CASK: variants seen among roughly 807,000 people sequenced by gnomAD.
The protein encoded by CASK is calcium/calmodulin dependent serine protein kinase.
Under a neutral mutation model 82.9 loss-of-function variants are expected in CASK, and 4 were observed. That is an observed-to-expected ratio of 0.05 (90% CI 0.02 to 0.11). CASK has a LOEUF of 0.11. Ranked by LOEUF, CASK falls within the 10% of genes least tolerant of loss-of-function variation. The pLI is 1.00. For missense variants in CASK, 358 were observed against 720.9 expected (o/e 0.50, Z 5.76); for synonymous variants, 259 against 253.5 (o/e 1.02, Z -0.20).
Position 41,771,009 on chromosome X carries a change from A to G in CASK, c.278+16169T>C, listed in dbSNP as rs747361001. On this transcript the variant is annotated intron_variant, in intron 3 of 26. Coordinates refer to ENST00000378163, the MANE Select transcript of CASK (RefSeq NM_001367721.1). ...AAATAATGGCTGAGAATTTTCTAAA[A>G]CCATGAATAATATCAATACACTGAT... is the stretch of plus-strand genomic sequence containing the variant. Among the ~76,000 whole-genome samples the G allele has an allele frequency of 1.1e-4, 12 of 112,523 alleles. No homozygotes were observed. The Admixed American group carries it at 1.1e-3, about 11-fold the overall frequency.
intron 3 of CASK, among the ~76,000 whole-genome samples, chrX:41,777,059 T>C (rs2069377469): frequency 8.9e-6 from 1 of 111,959 alleles, no homozygotes; most frequent in Non-Finnish European, 1.9e-5. Flanking sequence ...CAAATACTCA[T>C]TAGCATTAAA....
intron 13 of CASK, 25 bp from the exon 14 acceptor site, chrX:41,587,012 T>G: frequency 1.2e-6 from 1 of 853,915 alleles, no homozygotes. Context: ...AGATATACAA[T>G]AATACAAACA....
At chrX:41,803,462 C>T (rs1345806453) in intron 2 of CASK, among the ~76,000 whole-genome samples, 1 of 110,455 alleles carries the variant, frequency 9.1e-6, no homozygotes, top group Non-Finnish European at 1.9e-5. Context: ...TGTGGTGGCA[C>T]GCTCTTGCAA....
intron 16 of CASK, among the ~76,000 whole-genome samples, chrX:41,564,257 C>T (rs548759669): frequency 1.8e-5 from 2 of 112,623 alleles, no homozygotes; most frequent in African/African-American, 6.4e-5. Context: ...AATTAAAATG[C>T]TCAGCAACTA....
chrX:41,920,924 C>T (rs1245763573), intron 1 of CASK, among the ~76,000 whole-genome samples: 1 of 111,866 alleles, frequency 8.9e-6, no homozygotes, highest in Non-Finnish European at 1.9e-5. Context: ...CAACAAACAT[C>T]ATTCACCCAC....
At position 41,557,056 on chromosome X, in the gene CASK, A is replaced by G. The variant is rs2065168279; in HGVS notation, c.1782T>C (p.His594=). 8.3e-7 allele frequency: 1 copy of G among 1,207,931 alleles called. No homozygotes were observed. Among genetic ancestry groups the G allele is most frequent in the African/African-American group, 1.7e-5 (1 of 57,206 alleles). The change falls in exon 19 of 27, where the codon CAT becomes CAC. Residue 594 remains histidine (H), a synonymous_variant. Coordinates refer to ENST00000378163, the MANE Select transcript of CASK (RefSeq NM_001367721.1). ...CCGAAACAGAATTGTTAGTGCTGCT[A>G]TGACCATTAGCTGGGGACTGTCTGG... ...STSRQSPANG[H]SSTNNSVSDL... is the part of the protein sequence containing the mutation.
intron 8 of CASK, among the ~76,000 whole-genome samples, chrX:41,647,258 C>T (rs2066774575): frequency 8.9e-6 from 1 of 112,436 alleles, no homozygotes; most frequent in South Asian, 3.7e-4. Flanking sequence ...TTCTGCATCA[C>T]CCCGTATTCC....
chrX:41,608,505 T>C (rs1001228329), intron 12 of CASK, among the ~76,000 whole-genome samples: 2 of 112,218 alleles, frequency 1.8e-5, no homozygotes, highest in Admixed American at 1.9e-4. Flanking sequence ...CAAACAGTTC[T>C]AGGCACCCCA....
intron 16 of CASK, among the ~76,000 whole-genome samples, chrX:41,569,104 A>C (rs1019318828): frequency 8.9e-6 from 1 of 112,299 alleles, no homozygotes; most frequent in African/African-American, 3.2e-5. Flanking sequence ...TCGATTTGAC[A>C]TCTCTTACCA....
intron 1 of CASK, among the ~76,000 whole-genome samples, chrX:41,863,452 G>T (rs1256246527): frequency 9.0e-6 from 1 of 111,584 alleles, no homozygotes; most frequent in African/African-American, 3.3e-5. Flanking sequence ...AAGACTGTAA[G>T]AAGCCCAGAA....
intron 8 of CASK, among the ~76,000 whole-genome samples, chrX:41,653,848 C>G (rs1406617223): frequency 8.9e-6 from 1 of 112,121 alleles, no homozygotes; most frequent in African/African-American, 3.2e-5. Flanking sequence ...GATGCAGGAC[C>G]CACAGCTCAC....
chrX:41,544,573 A>C lies in CASK; in HGVS notation c.2040-1767T>G, dbSNP rs192696734. Among the ~76,000 whole-genome samples, 577 of 107,947 alleles carry C rather than the reference A, an allele frequency of 5.3e-3. 9 individuals carry two copies. Among genetic ancestry groups the C allele is most frequent in the African/African-American group, 0.019 (551 of 29,362 alleles). 93.7% of individuals were successfully genotyped at this position (107,947 alleles called of 115,157 possible). ...CGAGCGAGACCTTGTCTAAAAAAAAAAAAAAAAAAAAAACAAAAATGAAAT... is the reference window on the plus strand; with the variant it reads ...CGAGCGAGACCTTGTCTAAAAAAAACAAAAAAAAAAAAACAAAAATGAAAT... On this transcript the variant is annotated intron_variant, in intron 21 of 26. Coordinates refer to ENST00000378163, the MANE Select transcript of CASK (RefSeq NM_001367721.1).
rs201628448 is a variant in CASK at position 41,788,319 on chromosome X, CA to C, written c.173-1037del. ...TGTTAATATCATCATCATCATCATA[CA>C]AAACAGTTTGGGCATGGAAATCGCT... is the stretch of plus-strand genomic sequence containing the variant. On this transcript the variant is annotated intron_variant, in intron 2 of 26. Transcript: ENST00000378163. 3.0e-3 allele frequency among the ~76,000 whole-genome samples: 337 copies of C among 110,645 alleles called. 1 individual carries two copies. The highest frequency in any genetic ancestry group is 0.01 in the African/African-American group (317 of 30,593).
At chrX:41,814,036 C>A (rs1406713042) in intron 2 of CASK, among the ~76,000 whole-genome samples, 1 of 112,113 alleles carries the variant, frequency 8.9e-6, no homozygotes, top group African/African-American at 3.2e-5. Flanking sequence ...ATCAAAACCA[C>A]AATGAGATAC....
Position 41,571,594 on chromosome X carries a change from A to C in CASK, c.1504-1848T>G, listed in dbSNP as rs147688599. 5.5e-3 allele frequency among the ~76,000 whole-genome samples: 612 copies of C among 111,696 alleles called. 5 individuals carry two copies. The highest frequency in any genetic ancestry group is 0.019 in the African/African-American group (588 of 30,776). ...TGATCAGTCTGATCTTTCCAAAGAA[A>C]AAGTATTTTCTGTTTTATTGATACT... On this transcript the variant is annotated intron_variant, in intron 15 of 26. Coordinates refer to ENST00000378163, the MANE Select transcript of CASK (RefSeq NM_001367721.1).
In CASK at chrX:41,660,616, C is replaced by T. The variant is rs2057597209; in HGVS notation, c.709-55G>A. 4.5e-6 allele frequency: 5 copies of T among 1,112,174 alleles called. No individual in the cohort carries two copies. In the Admixed American group the frequency reaches 6.5e-5, roughly 15 times the overall value. The allele number at this position is 1,112,174 out of a possible 1,213,427, so 91.7% of individuals were successfully genotyped here. A position where few individuals can be genotyped will look rare whatever the true frequency, so the allele number is the denominator to read the frequency against. On this transcript the variant is annotated intron_variant, in intron 7 of 26. Transcript: ENST00000378163. ...TTACCTTAAATGAGACATTAACATT[C>T]ACTATTATTTAATATTCCTATATTG...
chrX:41,922,396 G>C (rs1290063126), intron 1 of CASK, among the ~76,000 whole-genome samples: 1 of 111,353 alleles, frequency 9.0e-6, no homozygotes, highest in Non-Finnish European at 1.9e-5. Flanking sequence ...CCACGTTCGT[G>C]TACACCAGGA....
intron 9 of CASK, among the ~76,000 whole-genome samples, chrX:41,631,180 G>A (rs2066460552): frequency 8.9e-6 from 1 of 111,774 alleles, no homozygotes; most frequent in Admixed American, 9.6e-5. Context: ...TAATTGCACA[G>A]AATAGATATC....
intron 16 of CASK, among the ~76,000 whole-genome samples, 154 bp downstream of exon 16, chrX:41,569,514 G>T (rs1019875124): frequency 1.8e-5 from 2 of 111,181 alleles, no homozygotes; most frequent in African/African-American, 6.5e-5. Context: ...AGCTGAGACG[G>T]GAGGATTGCT....
Sources: gnomAD v4.1 joint callset for allele counts (sites outside exome capture counted in the v4.1 genomes callset) on GRCh38, gnomAD v4.1.1 for gene constraint, MANE v1.5 for transcripts, NCBI Gene and HGNC (gene_info 2026-07-23, HGNC 2026-07-21) for gene names.